The following DOCK10 variants were observed in gnomAD, a reference collection of about 807,000 sequenced individuals.
The protein encoded by DOCK10 is dedicator of cytokinesis protein 10.
In DOCK10, 145 loss-of-function variants were observed where a neutral mutation model predicts 280.1. The ratio of observed to expected loss-of-function variants is 0.52; its 90% CI spans 0.45 to 0.59. The LOEUF (loss-of-function observed/expected upper bound fraction) is 0.59, where lower values mean the gene tolerates loss of function less well. Among genes scored for constraint, DOCK10 ranks in the 20% least tolerant of loss-of-function variants. The pLI, the probability that DOCK10 is intolerant of heterozygous loss-of-function variation, is 0.00. For missense variants in DOCK10, 2,368 were observed against 2,651.7 expected (o/e 0.89, Z 2.35); for synonymous variants, 915 against 942.2 (o/e 0.97, Z 0.53).
At chr2:225,012,256 C>T (rs1283513130) in intron 1 of DOCK10, among the ~76,000 whole-genome samples, 1 of 152,114 alleles carries the variant, frequency 6.6e-6, no homozygotes, top group Admixed American at 6.6e-5. Flanking sequence ...TGCTCTGGAC[C>T]AGACTGAAAT....
chr2:224,775,161 G>T lies in DOCK10; in HGVS notation c.5803-46C>A, dbSNP rs761030588. On this transcript the variant is annotated intron_variant, in intron 51 of 55. Coordinates refer to ENST00000258390, the MANE Select transcript of DOCK10 (RefSeq NM_014689.3). ...CAAAGTGAGTGGTGTGCCCTGGAGC[G>T]CTCTGAAAGCGGGAAGCTCCCATTC... The T allele has an allele frequency of 1.7e-5, 26 of 1,567,888 alleles. No homozygotes were observed. In the Middle Eastern group the frequency reaches 8.4e-4, roughly 50 times the overall value.
chr2:224,895,164 C>T (rs981997969), intron 4 of DOCK10, among the ~76,000 whole-genome samples: 1 of 152,234 alleles, frequency 6.6e-6, no homozygotes, highest in Non-Finnish European at 1.5e-5. Flanking sequence ...ATGTCACCTT[C>T]TTAAATCTAG....
chr2:224,979,963 T>TTAA (rs1553627775), intron 1 of DOCK10, among the ~76,000 whole-genome samples: 2 of 149,056 alleles, frequency 1.3e-5, no homozygotes, highest in Non-Finnish European at 3.0e-5. Flanking sequence ...TGTGATCTTA[T>TTAA]AAAAAAAAAA....
At chr2:224,944,756 C>T (rs1273690758) in intron 1 of DOCK10, among the ~76,000 whole-genome samples, 1 of 152,168 alleles carries the variant, frequency 6.6e-6, no homozygotes, top group East Asian at 1.9e-4. Context: ...TCAAACAATC[C>T]TGTACTCAAT....
Position 224,958,677 on chromosome 2 carries a change from TA to T in DOCK10, c.124-27010del, listed in dbSNP as rs879270883. 1.1e-3 allele frequency among the ~76,000 whole-genome samples: 164 copies of T among 144,712 alleles called. 1 individual carries two copies. The highest frequency in any genetic ancestry group is 1.6e-3 in the East Asian group (8 of 5,042). The allele number at this position is 144,712 out of a possible 152,430, so 94.9% of individuals were successfully genotyped here. A position where few individuals can be genotyped will look rare whatever the true frequency, so the allele number is the denominator to read the frequency against. ...CAAGTTTTAACCAATATCATATGTTTAAAAAAAAAAAAGAACTTTTCATGGT... is the reference window on the plus strand; with the variant it reads ...CAAGTTTTAACCAATATCATATGTTTAAAAAAAAAAAGAACTTTTCATGGT... On this transcript the variant is annotated intron_variant, in intron 1 of 55. Transcript: ENST00000258390.
intron 4 of DOCK10, among the ~76,000 whole-genome samples, chr2:224,895,624 C>T (rs940911975): frequency 6.6e-6 from 1 of 152,088 alleles, no homozygotes; most frequent in African/African-American, 2.4e-5. Flanking sequence ...AGGGAAAAGT[C>T]CCTGCCCTTT....
intron 52 of DOCK10, among the ~76,000 whole-genome samples, chr2:224,773,690 G>A (rs1307283919): frequency 6.6e-6 from 1 of 150,666 alleles, no homozygotes; most frequent in African/African-American, 2.4e-5. Context: ...GGAGTGCAGT[G>A]GCGCGATCTC....
intron 1 of DOCK10, chr2:224,982,059 G>A (rs1172967416): frequency 3.9e-6 from 2 of 515,570 alleles, no homozygotes; most frequent in Non-Finnish European, 6.0e-6. Flanking sequence ...AAATAGTTCC[G>A]AAAGATTTTC....
At chr2:224,777,977 T>G (rs921558521) in intron 51 of DOCK10, among the ~76,000 whole-genome samples, 161 bp downstream of exon 51, 2 of 152,172 alleles carry the variant, frequency 1.3e-5, no homozygotes, top group African/African-American at 4.8e-5. Flanking sequence ...TTGACCCTCC[T>G]CCCCTCAAAT....
In DOCK10 at chr2:224,839,979, C is replaced by G. The variant is rs1695851125; in HGVS notation, c.2755G>C (p.Asp919His). 1 of 1,542,972 alleles carries G rather than the reference C, an allele frequency of 6.5e-7. No homozygotes were observed. The highest frequency in any genetic ancestry group is 8.8e-7 in the Non-Finnish European group (1 of 1,135,980). Reference sequence around the variant, plus strand: ...CTGGTGACAGTTGTAGTTATTTCATCTTCCTCATTCTGTACCAGAACTTTG... The same window carrying G: ...CTGGTGACAGTTGTAGTTATTTCATGTTCCTCATTCTGTACCAGAACTTTG... ...LFKVLVQNEE[D>H]EITTTVTRVL... Residue 919 changes from aspartate to histidine, a missense_variant, in exon 24 of 56, where the codon GAT (aspartate) becomes CAT (histidine). Physicochemically the swap from Asp to His is moderately conservative, Grantham distance 81. This residue lies in a region of DOCK10 where 1,209 missense variants were observed against 1,250.9 expected (regional missense o/e 0.97). Coordinates refer to ENST00000258390, the MANE Select transcript of DOCK10 (RefSeq NM_014689.3).
chr2:225,014,091 T>G (rs1320248913), intron 1 of DOCK10, among the ~76,000 whole-genome samples: 1 of 108,516 alleles, frequency 9.2e-6, no homozygotes, highest in Non-Finnish European at 1.8e-5. Flanking sequence ...ATTGTTTTTT[T>G]TTTTTTGTTT....
intron 4 of DOCK10, among the ~76,000 whole-genome samples, chr2:224,890,118 C>A (rs756139252): frequency 2.0e-5 from 3 of 152,232 alleles, no homozygotes; most frequent in African/African-American, 4.8e-5. Context: ...CCGTGCTAGT[C>A]ATTTCCCATC....
intron 1 of DOCK10, among the ~76,000 whole-genome samples, chr2:225,007,996 G>A (rs58979306): frequency 0.035 from 5,311 of 151,938 alleles, 195 homozygotes; most frequent in African/African-American, 0.095. Context: ...AAAGTAAAGT[G>A]ACTTTCCACG....
rs1188100449 is a variant in DOCK10 at position 224,946,906 on chromosome 2, A to C, written c.124-15238T>G. On this transcript the variant is annotated intron_variant, in intron 1 of 55. Transcript: ENST00000258390. The stretch of plus-strand genomic sequence containing the variant: ...CTCCTCACAGTTCGTCTCTTCTTCC[A>C]AAATTCACTGGGCTCCCGTTTAAAA... 3 of 1,546,646 alleles carry C rather than the reference A, an allele frequency of 1.9e-6. No homozygotes were observed. The South Asian group carries it at 3.6e-5, about 19-fold the overall frequency.
chr2:224,844,653 A>G, intron 22 of DOCK10, 100 bp downstream of exon 22: 1 of 786,510 alleles, frequency 1.3e-6, no homozygotes, highest in Non-Finnish European at 2.1e-6. Context: ...TGCCTTTCTG[A>G]CACTTCATGA....
intron 3 of DOCK10, among the ~76,000 whole-genome samples, chr2:224,912,583 G>C (rs751427641): frequency 3.3e-5 from 5 of 152,156 alleles, no homozygotes; most frequent in African/African-American, 4.8e-5. Context: ...AAACTTGTGA[G>C]GTAGCCAATG....
chr2:224,833,094 T>C (rs1364025439), intron 26 of DOCK10, among the ~76,000 whole-genome samples: 1 of 152,176 alleles, frequency 6.6e-6, no homozygotes, highest in Non-Finnish European at 1.5e-5. Context: ...GCTTCTCTGA[T>C]AGCCCCTCAA....
chr2:224,830,699 C>A, intron 26 of DOCK10, 87 bp from the exon 27 acceptor site: 1 of 637,266 alleles, frequency 1.6e-6, no homozygotes, highest in South Asian at 3.2e-5. Context: ...AATACTATAA[C>A]ATTGTTATGT....
chr2:224,892,427 G>GAAAAAAAAGAAAAGAAAAGAAAAGA (rs58114938), intron 4 of DOCK10, among the ~76,000 whole-genome samples: 1 of 93,970 alleles, frequency 1.1e-5, no homozygotes, highest in African/African-American at 6.8e-5. Flanking sequence ...AAAAAAGAAA[G>GAAAAAAAAGAAAAGAAAAGAAAAGA]AAAGAAAAGA....
Sources: allele counts gnomAD v4.1 joint callset (sites outside exome capture counted in the v4.1 genomes callset), GRCh38; gene constraint gnomAD v4.1.1; regional missense constraint gnomAD v4.1.1; transcripts MANE v1.5; gene names NCBI Gene and HGNC (gene_info 2026-07-23, HGNC 2026-07-21).